The following SHISA9 variants were observed in gnomAD, a reference collection of about 807,000 sequenced individuals.
SHISA9 encodes the protein shisa family member 9.
In SHISA9, 13 loss-of-function variants were observed where a neutral mutation model predicts 38.0. The ratio of observed to expected loss-of-function variants is 0.34; its 90% confidence interval spans 0.22 to 0.54. The LOEUF is 0.54. Ranked by LOEUF, SHISA9 falls within the 20% of genes least tolerant of loss-of-function variation. The pLI is 0.91. For synonymous variants in SHISA9, 275 were observed against 242.0 expected, an observed-to-expected ratio of 1.14 and a Z score of -1.27; for missense variants, 538 against 575.8, an observed-to-expected ratio of 0.93 and a Z score of 0.67.
chr16:13,014,272 C>T (rs770696216), intron 2 of SHISA9, among the ~76,000 whole-genome samples: 3 of 152,150 alleles, frequency 2.0e-5, no homozygotes, highest in East Asian at 1.9e-4. Context: ...AAAGCATTTA[C>T]GTGGGATTCT....
chr16:13,496,823 A>G, the SHISA9 span, among the ~76,000 whole-genome samples: 1 of 152,180 alleles, frequency 6.6e-6, no homozygotes, highest in African/African-American at 2.4e-5. Flanking sequence ...ATACACACAC[A>G]CGATCTTGGC....
chr16:13,299,148 T>C, the SHISA9 span, among the ~76,000 whole-genome samples: 1 of 152,216 alleles, frequency 6.6e-6, no homozygotes, highest in African/African-American at 2.4e-5. Flanking sequence ...TAAGCCACAG[T>C]TACCAGCCAA....
At chr16:13,015,344 A>T (rs555237438) in intron 2 of SHISA9, among the ~76,000 whole-genome samples, 8 of 152,364 alleles carry the variant, frequency 5.3e-5, no homozygotes, top group African/African-American at 1.9e-4. Context: ...TATAATGAAT[A>T]CATAATCTTT....
chr16:13,472,394 T>A, the SHISA9 span, among the ~76,000 whole-genome samples: 1 of 126,738 alleles, frequency 7.9e-6, no homozygotes, highest in African/African-American at 3.0e-5. Context: ...TTTTTTTTTT[T>A]TTTTTTTTTT....
intron 2 of SHISA9, among the ~76,000 whole-genome samples, chr16:13,013,670 TG>T (rs1341199278): frequency 6.6e-6 from 1 of 152,194 alleles, no homozygotes; most frequent in Non-Finnish European, 1.5e-5. Context: ...CACTGGCCAC[TG>T]CTTTGCCCAG....
At chr16:13,037,088 C>CCA (rs71147781) in intron 2 of SHISA9, among the ~76,000 whole-genome samples, 1,458 of 129,586 alleles carry the variant, frequency 0.011, 23 homozygotes, top group South Asian at 0.042. Context: ...ACACACCACA[C>CCA]CACACACACA....
chr16:13,366,083 A>G, the SHISA9 span, among the ~76,000 whole-genome samples: 1 of 152,202 alleles, frequency 6.6e-6, no homozygotes, highest in African/African-American at 2.4e-5. Flanking sequence ...GTGCTTTTAT[A>G]TCACTGTGGA....
At chr16:13,034,574 C>G (rs372175758) in intron 2 of SHISA9, among the ~76,000 whole-genome samples, 2 of 152,216 alleles carry the variant, frequency 1.3e-5, no homozygotes, top group East Asian at 3.9e-4. Flanking sequence ...AATGATAGAC[C>G]CAATTCTTCA....
the SHISA9 span, among the ~76,000 whole-genome samples, chr16:13,309,365 G>A: frequency 1.1e-3 from 161 of 152,156 alleles, 1 homozygote; most frequent in Non-Finnish European, 1.7e-3. Flanking sequence ...AGTTGAGGCC[G>A]GGCGCAGTGA....
At chr16:13,460,407 C>G in the SHISA9 span, among the ~76,000 whole-genome samples, 2 of 152,148 alleles carry the variant, frequency 1.3e-5, no homozygotes, top group Admixed American at 1.3e-4. Flanking sequence ...CAAGCCCCCC[C>G]GATCCATCAT....
chr16:13,511,168 T>C, the SHISA9 span, among the ~76,000 whole-genome samples: 1 of 152,232 alleles, frequency 6.6e-6, no homozygotes. Context: ...AATAAAGTCA[T>C]TCATAAGTAG....
the SHISA9 span, among the ~76,000 whole-genome samples, chr16:13,426,811 T>C: frequency 6.6e-6 from 1 of 152,264 alleles, no homozygotes; most frequent in African/African-American, 2.4e-5. Flanking sequence ...GGTTTATGAA[T>C]GGCGTTGACA....
At chr16:13,034,511 G>A (rs1325331987) in intron 2 of SHISA9, among the ~76,000 whole-genome samples, 2 of 152,206 alleles carry the variant, frequency 1.3e-5, no homozygotes, top group Admixed American at 1.3e-4. Context: ...CAGGAAGAAA[G>A]TTAAGTTTAT....
At chr16:13,277,047 G>A in the SHISA9 span, among the ~76,000 whole-genome samples, 67 of 152,202 alleles carry the variant, frequency 4.4e-4, no homozygotes, top group Admixed American at 4.3e-3. Context: ...TATAGTTTCA[G>A]GTATTAGGTT....
intron 2 of SHISA9, among the ~76,000 whole-genome samples, chr16:13,029,841 T>C (rs1212808742): frequency 1.3e-5 from 2 of 152,184 alleles, no homozygotes; most frequent in African/African-American, 2.4e-5. Context: ...TATGACAACA[T>C]AATGTAGTAG....
intron 2 of SHISA9, among the ~76,000 whole-genome samples, chr16:13,060,753 A>T (rs535200899): frequency 1.4e-4 from 21 of 152,236 alleles, no homozygotes; most frequent in African/African-American, 5.1e-4. Context: ...TGGTGCCAAC[A>T]CAAAGCCCGC....
At chr16:13,279,427 T>G in the SHISA9 span, among the ~76,000 whole-genome samples, 2 of 152,000 alleles carry the variant, frequency 1.3e-5, no homozygotes, top group African/African-American at 4.8e-5. Flanking sequence ...AGGTATAGTT[T>G]AAATCCATTG....
chr16:13,276,401 T>TA, the SHISA9 span, among the ~76,000 whole-genome samples: 13 of 152,078 alleles, frequency 8.5e-5, no homozygotes, highest in African/African-American at 3.1e-4. Flanking sequence ...CTTTTTCGTA[T>TA]AATGACTTCT....
chr16:13,209,183 C>T (rs2051095233), intron 3 of SHISA9, among the ~76,000 whole-genome samples: 1 of 152,174 alleles, frequency 6.6e-6, no homozygotes, highest in South Asian at 2.1e-4. Context: ...TCAGCAAATA[C>T]TGCAGCATAT....
Sources: allele counts gnomAD v4.1 joint callset (sites outside exome capture counted in the v4.1 genomes callset), GRCh38; gene constraint gnomAD v4.1.1; transcripts MANE v1.5; gene names NCBI Gene and HGNC (gene_info 2026-07-23, HGNC 2026-07-21).